Variants in IFNLR1 observed in about 807,000 individuals in gnomAD.
The protein encoded by IFNLR1 is interferon lambda receptor 1, also known as CRF2-12.
A neutral mutation model predicts 52.5 loss-of-function variants in IFNLR1; 28 were observed. The ratio of observed to expected loss-of-function variants is 0.53; its 90% CI spans 0.40 to 0.73. The LOEUF (loss-of-function observed/expected upper bound fraction) is 0.73. Ranked by LOEUF, IFNLR1 falls within the 30% of genes least tolerant of loss-of-function variation. The probability of loss-of-function intolerance (pLI) is 0.00; values close to 1 mark genes in which losing one functional copy is unlikely to be tolerated. For missense variants in IFNLR1, 623 were observed against 659.1 expected, an observed-to-expected ratio of 0.95 and a Z score of 0.60; for synonymous variants, 276 against 274.9, an observed-to-expected ratio of 1.00 and a Z score of -0.04.
intron 1 of IFNLR1, among the ~76,000 whole-genome samples, chr1:24,186,107 G>T (rs1644735687): frequency 6.6e-6 from 1 of 152,066 alleles, no homozygotes; most frequent in South Asian, 2.1e-4. Flanking sequence ...AAGGGGAACA[G>T]AAGACCCCAC....
Position 24,156,238 on chromosome 1 carries a change from G to A in IFNLR1, c.*892C>T, listed in dbSNP as rs1032867989. On this transcript the variant is annotated 3_prime_UTR_variant, in exon 7 of 7. Coordinates refer to ENST00000327535, the MANE Select transcript of IFNLR1 (RefSeq NM_170743.4). The stretch of plus-strand genomic sequence containing the variant: ...AGGGTAGAAGGAAGGAGGTAGACTG[G>A]GGATGAGACAAGCTGAATGTTAAGT... 6.6e-6 allele frequency: 1 copy of A among 152,280 alleles called. No individual in the cohort carries two copies. The highest frequency in any genetic ancestry group is 2.4e-5 in the African/African-American group (1 of 41,422). 9.4% of individuals were successfully genotyped at this position (152,280 alleles called of 1,614,324 possible).
chr1:24,170,354 C>T (rs1207213166), intron 2 of IFNLR1, among the ~76,000 whole-genome samples: 3 of 152,120 alleles, frequency 2.0e-5, no homozygotes, highest in Non-Finnish European at 2.9e-5. Flanking sequence ...GGGAGCCTAA[C>T]ATTTTATTTT....
At chr1:24,163,586 CTTTTTT>C (rs60156095) in intron 3 of IFNLR1, among the ~76,000 whole-genome samples, 1 of 149,128 alleles carries the variant, frequency 6.7e-6, no homozygotes, top group Non-Finnish European at 1.5e-5. Flanking sequence ...TTTCTTTTTT[CTTTTTT>C]TTTTTAGATG....
chr1:24,160,738 GT>G (rs372202562), intron 4 of IFNLR1, among the ~76,000 whole-genome samples: 1 of 151,754 alleles, frequency 6.6e-6, no homozygotes, highest in African/African-American at 2.4e-5. Context: ...TTTATTTTTT[GT>G]TTTTTTTGAG....
intron 6 of IFNLR1, among the ~76,000 whole-genome samples, chr1:24,158,454 C>T (rs1325213209): frequency 6.6e-6 from 1 of 152,222 alleles, no homozygotes; most frequent in African/African-American, 2.4e-5. Context: ...CTCCCTTTGC[C>T]ACCCTGCCAC....
intron 4 of IFNLR1, among the ~76,000 whole-genome samples, chr1:24,161,022 T>G (rs1644437020): frequency 6.6e-6 from 1 of 152,056 alleles, no homozygotes; most frequent in South Asian, 2.1e-4. Flanking sequence ...CCACCGCACC[T>G]GGCCTGTAAA....
At chr1:24,181,408 C>T (rs1557653424) in intron 1 of IFNLR1, among the ~76,000 whole-genome samples, 1 of 152,216 alleles carries the variant, frequency 6.6e-6, no homozygotes, top group South Asian at 2.1e-4. Flanking sequence ...GCATCTCTCC[C>T]TCCCGGCAAA....
chr1:24,159,171 C>A lies in IFNLR1; in HGVS notation c.682G>T (p.Ala228Ser). ...AGAAGCGATGGCAGCACCAGGAAAG[C>A]CCAGTTGGCTTCTAAGGAAGGAAAA... is the stretch of plus-strand genomic sequence containing the variant. ...FLLEVPEANW[A>S]FLVLPSLLIL... The change falls in exon 6 of 7, where the codon GCT becomes TCT. Residue 228 changes from alanine (A) to serine (S), a missense_variant. By Grantham distance (99) the Ala-to-Ser change is moderately conservative. Transcript: ENST00000327535. 1 of 1,614,084 alleles carries A rather than the reference C, an allele frequency of 6.2e-7. No individual in the cohort carries two copies.
At chr1:24,180,676 GCC>G in intron 2 of IFNLR1, 53 bp downstream of exon 2, 1 of 455,866 alleles carries the variant, frequency 2.2e-6, no homozygotes, top group Non-Finnish European at 4.3e-6. Context: ...AGCCCCTCCA[GCC>G]CCCACCCACC....
chr1:24,160,988 A>G (rs539238772), intron 4 of IFNLR1, among the ~76,000 whole-genome samples: 2 of 152,122 alleles, frequency 1.3e-5, no homozygotes, highest in African/African-American at 2.4e-5. Flanking sequence ...CGGCCTCCCA[A>G]AGTACTGAGA....
chr1:24,181,578 G>A (rs1219279927), intron 1 of IFNLR1, among the ~76,000 whole-genome samples: 2 of 152,176 alleles, frequency 1.3e-5, no homozygotes, highest in Non-Finnish European at 2.9e-5. Context: ...GCTTCATGTA[G>A]CCCAGGATGG....
chr1:24,163,351 AG>A (rs1644484838), intron 3 of IFNLR1, among the ~76,000 whole-genome samples: 1 of 152,186 alleles, frequency 6.6e-6, no homozygotes, highest in Non-Finnish European at 1.5e-5. Flanking sequence ...ACCTTTTAAC[AG>A]GGCCACTTCT....
intron 3 of IFNLR1, among the ~76,000 whole-genome samples, chr1:24,162,941 TTTCTTTC>T (rs1312744262): frequency 8.0e-6 from 1 of 124,870 alleles, no homozygotes; most frequent in African/African-American, 3.2e-5. Context: ...TTTCTTTCTC[TTTCTTTC>T]TTCTTTCTTT....
chr1:24,180,504 C>A (rs1644678086), intron 2 of IFNLR1, among the ~76,000 whole-genome samples: 2 of 152,104 alleles, frequency 1.3e-5, no homozygotes, highest in South Asian at 4.1e-4. Context: ...CTTACCCCCG[C>A]CCCGGCAGAC....
At chr1:24,160,144 G>A (rs918083971) in intron 4 of IFNLR1, among the ~76,000 whole-genome samples, 1 of 152,144 alleles carries the variant, frequency 6.6e-6, no homozygotes, top group Non-Finnish European at 1.5e-5. Context: ...TCGCCCTGGC[G>A]TGCACCCCAT....
At chr1:24,177,985 A>T (rs1644651749) in intron 2 of IFNLR1, among the ~76,000 whole-genome samples, 2 of 152,144 alleles carry the variant, frequency 1.3e-5, no homozygotes, top group South Asian at 4.1e-4. Context: ...ATTTTATCTT[A>T]AAAATTATGT....
rs1227953694 is a variant in IFNLR1, at chr1:24,162,708, TTTC to T, written c.368-1027_368-1025del. Among the ~76,000 whole-genome samples the T allele has an allele frequency of 3.4e-3, 72 of 21,056 alleles. 1 individual carries two copies. Among genetic ancestry groups the T allele is most frequent in the African/African-American group, 0.014 (67 of 4,652 alleles). 13.8% of individuals were successfully genotyped at this position (21,056 alleles called of 152,430 possible). A position where few individuals can be genotyped will look rare whatever the true frequency, so the allele number is the denominator to read the frequency against. ...AGGGCAGAACTCACTTTTCTTTTCTTTTCTTTCTTTCTTTCTTTTCTTTCTTTC... is the reference window on the plus strand; with the variant it reads ...AGGGCAGAACTCACTTTTCTTTTCTTTTTCTTTCTTTCTTTTCTTTCTTTC... On this transcript the variant is annotated intron_variant, in intron 3 of 6. Coordinates refer to ENST00000327535, the MANE Select transcript of IFNLR1 (RefSeq NM_170743.4).
chr1:24,159,002 C>T, intron 6 of IFNLR1, 50 bp downstream of exon 6: 2 of 1,593,342 alleles, frequency 1.3e-6, no homozygotes, highest in Non-Finnish European at 1.7e-6. Flanking sequence ...GCCCCACTCC[C>T]TTACTCTCAA....
chr1:24,160,225 G>T (rs962867062), intron 4 of IFNLR1, among the ~76,000 whole-genome samples: 1 of 152,218 alleles, frequency 6.6e-6, no homozygotes, highest in African/African-American at 2.4e-5. Flanking sequence ...ATCAGCAGTG[G>T]AGGAAACCTC....
Sources: allele counts gnomAD v4.1 joint callset (sites outside exome capture counted in the v4.1 genomes callset), GRCh38; gene constraint gnomAD v4.1.1; transcripts MANE v1.5; gene names NCBI Gene and HGNC (gene_info 2026-07-23, HGNC 2026-07-21).